The following TBC1D4 variants were observed in gnomAD, a reference collection of about 807,000 sequenced individuals.
The protein encoded by TBC1D4 is TBC1 domain family member 4.
A neutral mutation model predicts 142.5 loss-of-function variants in TBC1D4; 121 were observed. That is an observed-to-expected ratio of 0.85 (90% CI 0.73 to 0.99). TBC1D4 has a LOEUF of 0.99. Among genes scored for constraint, TBC1D4 ranks in the 50% least tolerant of loss-of-function variants. The pLI, the probability that TBC1D4 is intolerant of heterozygous loss-of-function variation, is 0.00. For missense variants in TBC1D4, 1,475 were observed against 1,606.6 expected (o/e 0.92, Z 1.40); for synonymous variants, 630 against 628.2 (o/e 1.00, Z -0.04).
At chr13:75,429,565 A>G (rs940537415) in intron 1 of TBC1D4, among the ~76,000 whole-genome samples, 4 of 152,230 alleles carry the variant, frequency 2.6e-5, no homozygotes, top group African/African-American at 9.6e-5. Flanking sequence ...GTCATAAAAA[A>G]AAGTTGATAA....
At chr13:75,477,717 G>GT (rs1483647760) in intron 1 of TBC1D4, among the ~76,000 whole-genome samples, 1 of 152,168 alleles carries the variant, frequency 6.6e-6, no homozygotes, top group Non-Finnish European at 1.5e-5. Context: ...TATTTACAGA[G>GT]TATTAGTGAC....
At chr13:75,292,743 AC>A (rs1428212131) in intron 18 of TBC1D4, among the ~76,000 whole-genome samples, 1 of 152,066 alleles carries the variant, frequency 6.6e-6, no homozygotes, top group African/African-American at 2.4e-5. Flanking sequence ...AAAAACATTA[AC>A]AGAAAAATTA....
rs993726303 is a variant in TBC1D4 at position 75,358,159 on chromosome 13, A to G, written c.1170+1610T>C. 3.2e-4 allele frequency among the ~76,000 whole-genome samples: 48 copies of G among 152,154 alleles called. 1 individual carries two copies. Among genetic ancestry groups the G allele is most frequent in the Non-Finnish European group, 1.5e-4 (10 of 68,034 alleles). On this transcript the variant is annotated intron_variant, in intron 3 of 20. Transcript: ENST00000377636. ...CATCACTTTCTCTTCAGTATTTGGCATAAGGCCCACCATGTGTAAAGTGCT... is the reference window on the plus strand; with the variant it reads ...CATCACTTTCTCTTCAGTATTTGGCGTAAGGCCCACCATGTGTAAAGTGCT...
chr13:75,317,966 C>T (rs1358663350), intron 12 of TBC1D4, among the ~76,000 whole-genome samples: 3 of 152,184 alleles, frequency 2.0e-5, no homozygotes, highest in Admixed American at 2.0e-4. Flanking sequence ...ATAATATGAA[C>T]TTGTCAAAGC....
intron 1 of TBC1D4, among the ~76,000 whole-genome samples, chr13:75,445,840 T>A (rs1015732169): frequency 6.6e-6 from 1 of 152,262 alleles, no homozygotes; most frequent in Admixed American, 6.5e-5. Context: ...CATAATCTGA[T>A]GATTGCCGAT....
rs1432182248 is a variant in TBC1D4 at position 75,402,724 on chromosome 13, G to A, written c.499-40117C>T. 4.7e-5 allele frequency among the ~76,000 whole-genome samples: 7 copies of A among 149,264 alleles called. No individual in the cohort carries two copies. The South Asian group carries it at 1.5e-3, about 32-fold the overall frequency. On this transcript the variant is annotated intron_variant, in intron 1 of 20. Coordinates refer to ENST00000377636, the MANE Select transcript of TBC1D4 (RefSeq NM_014832.5). The stretch of plus-strand genomic sequence containing the variant: ...TATCATGCATTATCTGTGATGAAAA[G>A]ATTTCTAACATCATTTTGTATAAAT...
chr13:75,383,590 T>G (rs1257851476), intron 1 of TBC1D4, among the ~76,000 whole-genome samples: 1 of 152,196 alleles, frequency 6.6e-6, no homozygotes, highest in Non-Finnish European at 1.5e-5. Context: ...AGGGTCCACA[T>G]TCACATAATT....
intron 1 of TBC1D4, among the ~76,000 whole-genome samples, chr13:75,382,417 A>G (rs1883904163): frequency 6.6e-6 from 1 of 152,022 alleles, no homozygotes; most frequent in South Asian, 2.1e-4. Context: ...TTTCCTTGAC[A>G]CCTTTGCATA....
At chr13:75,386,750 G>C (rs1043520916) in intron 1 of TBC1D4, among the ~76,000 whole-genome samples, 1 of 152,048 alleles carries the variant, frequency 6.6e-6, no homozygotes, top group Non-Finnish European at 1.5e-5. Context: ...CACTCATCCA[G>C]AGAATACCAC....
rs772187012 is a variant in TBC1D4, at chr13:75,359,749, T to C, written c.1170+20A>G. The C allele has an allele frequency of 1.3e-6, 2 of 1,557,772 alleles. No individual in the cohort carries two copies. Among genetic ancestry groups the C allele is most frequent in the Non-Finnish European group, 8.9e-7 (1 of 1,128,804 alleles). ...ACAAGATTGGTCTCTTCACATACTA[T>C]GATATACTTTGATACATACCTGAGA... On this transcript the variant is annotated intron_variant, in intron 3 of 20. Coordinates refer to ENST00000377636, the MANE Select transcript of TBC1D4 (RefSeq NM_014832.5).
intron 1 of TBC1D4, among the ~76,000 whole-genome samples, chr13:75,462,347 C>G (rs927487286): frequency 2.0e-5 from 3 of 152,042 alleles, no homozygotes; most frequent in African/African-American, 4.8e-5. Context: ...AGGGTAACTA[C>G]CAAATTGTAC....
intron 1 of TBC1D4, among the ~76,000 whole-genome samples, chr13:75,456,935 T>C (rs550325630): frequency 6.4e-4 from 98 of 151,942 alleles, no homozygotes; most frequent in Non-Finnish European, 1.2e-3. Context: ...GCAGTATACA[T>C]ACTACAAGAA....
intron 1 of TBC1D4, among the ~76,000 whole-genome samples, chr13:75,407,968 A>C (rs1243837545): frequency 1.3e-5 from 2 of 152,246 alleles, no homozygotes. Context: ...CAGCTTTATT[A>C]ATATATAATT....
intron 1 of TBC1D4, among the ~76,000 whole-genome samples, chr13:75,409,860 T>G: frequency 6.6e-6 from 1 of 152,336 alleles, no homozygotes; most frequent in East Asian, 1.9e-4. Flanking sequence ...GTTAAGATAC[T>G]AGTGTTAATT....
chr13:75,343,243 A>G (rs1880859313), intron 5 of TBC1D4, among the ~76,000 whole-genome samples: 2 of 152,214 alleles, frequency 1.3e-5, no homozygotes, highest in South Asian at 2.1e-4. Context: ...GGATCACCTG[A>G]AAATACACAT....
At chr13:75,364,016 C>T (rs1882746548) in intron 1 of TBC1D4, among the ~76,000 whole-genome samples, 1 of 152,116 alleles carries the variant, frequency 6.6e-6, no homozygotes, top group African/African-American at 2.4e-5. Context: ...AGACATGAGA[C>T]ATCAATCAGT....
chr13:75,350,211 G>A (rs978830024), intron 4 of TBC1D4, among the ~76,000 whole-genome samples: 2 of 152,176 alleles, frequency 1.3e-5, no homozygotes, highest in Admixed American at 6.5e-5. Flanking sequence ...GGCCTCATCC[G>A]AACTAGCTTT....
chr13:75,465,741 C>CTT (rs1357714714), intron 1 of TBC1D4, among the ~76,000 whole-genome samples: 1 of 152,150 alleles, frequency 6.6e-6, no homozygotes, highest in African/African-American at 2.4e-5. Flanking sequence ...AGAACAGACT[C>CTT]TTTAAGTCTG....
At position 75,312,934 on chromosome 13, in the gene TBC1D4, G is replaced by A. The variant is rs937936598; in HGVS notation, c.2223-36C>T. On this transcript the variant is annotated intron_variant, in intron 12 of 20. Coordinates refer to ENST00000377636, the MANE Select transcript of TBC1D4 (RefSeq NM_014832.5). The stretch of plus-strand genomic sequence containing the variant: ...CAAATAAACATATCACTTATAAGGA[G>A]AGCTGCACATCATGGCACTTCACAA... The A allele has an allele frequency of 1.9e-6, 3 of 1,611,896 alleles. No individual in the cohort carries two copies. In the Admixed American group the frequency reaches 5.0e-5, roughly 27 times the overall value.
Sources: gnomAD v4.1 joint callset for allele counts (sites outside exome capture counted in the v4.1 genomes callset) on GRCh38, gnomAD v4.1.1 for gene constraint, MANE v1.5 for transcripts, NCBI Gene and HGNC (gene_info 2026-07-23, HGNC 2026-07-21) for gene names.